TTC7A: variants seen among roughly 807,000 people sequenced by gnomAD.
The protein encoded by TTC7A is tetratricopeptide repeat domain 7A.
In TTC7A, 110 loss-of-function variants were observed where a neutral mutation model predicts 103.7. The observed-to-expected ratio is 1.06, with a 90% CI of 0.91 to 1.24. The LOEUF is 1.24. TTC7A is among the 50% of genes most tolerant of loss of function. The pLI is 0.00. For missense variants in TTC7A, 1,340 were observed against 1,116.3 expected, an observed-to-expected ratio of 1.20 and a Z score of -2.86; for synonymous variants, 521 against 467.9, an observed-to-expected ratio of 1.11 and a Z score of -1.47.
intron 18 of TTC7A, among the ~76,000 whole-genome samples, chr2:47,056,910 T>TC (rs10712991): frequency 4.0e-5 from 6 of 151,636 alleles, no homozygotes; most frequent in Admixed American, 2.0e-4. Flanking sequence ...CTCTGACCCC[T>TC]CCCCCCCATC....
At chr2:46,972,323 T>C (rs922758755) in intron 3 of TTC7A, among the ~76,000 whole-genome samples, 3 of 152,256 alleles carry the variant, frequency 2.0e-5, no homozygotes, top group African/African-American at 7.2e-5. Flanking sequence ...TTGAGCTTTT[T>C]GTTTTTGGCC....
intron 16 of TTC7A, chr2:47,046,686 T>A (rs1682358333): frequency 1.6e-5 from 8 of 494,764 alleles, no homozygotes. Flanking sequence ...AAATCATTCT[T>A]GAGCACTGGA....
intron 3 of TTC7A, among the ~76,000 whole-genome samples, chr2:46,971,380 C>A (rs1358044395): frequency 6.6e-6 from 1 of 152,132 alleles, no homozygotes; most frequent in Non-Finnish European, 1.5e-5. Context: ...GCAGGAGGAA[C>A]AACTTGAGCA....
intron 3 of TTC7A, among the ~76,000 whole-genome samples, chr2:46,970,791 C>T (rs1327829019): frequency 6.6e-6 from 1 of 152,220 alleles, no homozygotes; most frequent in Non-Finnish European, 1.5e-5. Context: ...CCCTTTAGTC[C>T]TCTGGAATAA....
At chr2:46,999,825 G>C in intron 8 of TTC7A, 1 of 985,432 alleles carries the variant, frequency 1.0e-6, no homozygotes, top group Non-Finnish European at 1.2e-6. Flanking sequence ...TCATTCAGCT[G>C]GCGAACAAGT....
intron 19 of TTC7A, 116 bp downstream of exon 19, chr2:47,061,087 G>A: frequency 8.1e-6 from 9 of 1,107,296 alleles, no homozygotes; most frequent in Non-Finnish European, 1.1e-5. Context: ...TGCTACTGCT[G>A]TTCCCTGGTG....
chr2:46,953,833 T>C (rs1420865822), intron 2 of TTC7A, among the ~76,000 whole-genome samples: 1 of 151,506 alleles, frequency 6.6e-6, no homozygotes, highest in South Asian at 2.1e-4. Flanking sequence ...TTTTTTTTTT[T>C]CAATTTTTTG....
chr2:47,053,092 C>T (rs1396208965), intron 18 of TTC7A, among the ~76,000 whole-genome samples: 3 of 152,160 alleles, frequency 2.0e-5, no homozygotes, highest in Non-Finnish European at 4.4e-5. Context: ...GGATAGGATT[C>T]ACAGGAAGGC....
At chr2:46,957,153 T>C in intron 3 of TTC7A, 146 bp downstream of exon 3, 1 of 1,013,816 alleles carries the variant, frequency 9.9e-7, no homozygotes, top group Non-Finnish European at 1.4e-6. Flanking sequence ...TGGATGCCGG[T>C]GGCAACCGGC....
chr2:47,046,325 A>G lies in TTC7A; in HGVS notation c.1813A>G (p.Thr605Ala). 6.2e-7 allele frequency: 1 copy of G among 1,613,948 alleles called. No individual in the cohort carries two copies. The highest frequency in any genetic ancestry group is 1.1e-5 in the South Asian group (1 of 91,068). The change falls in exon 16 of 20, where the codon ACC (threonine) becomes GCC (alanine). Residue 605 changes from threonine to alanine, a missense_variant. Thr to Ala is a moderately conservative substitution (Grantham distance 58). Coordinates refer to ENST00000319190, the MANE Select transcript of TTC7A (RefSeq NM_020458.4). Reference protein sequence around the residue: ...EHPENFNLMFTKVKLEQVLKG... With the variant: ...EHPENFNLMFAKVKLEQVLKG... Reference sequence around the variant, plus strand: ...TCTCCGTCCCCACAGCCTGATGTTCACCAAGGTGAAGCTGGAGCAGGTGCT... The same window carrying G: ...TCTCCGTCCCCACAGCCTGATGTTCGCCAAGGTGAAGCTGGAGCAGGTGCT...
At chr2:46,934,757 A>G (rs1219553862) in intron 2 of TTC7A, among the ~76,000 whole-genome samples, 1 of 139,022 alleles carries the variant, frequency 7.2e-6, no homozygotes, top group Admixed American at 7.2e-5. Flanking sequence ...AACAATCCCA[A>G]TCCTGGAATA....
At position 46,975,065 on chromosome 2, in the gene TTC7A, TC is replaced by T; in HGVS notation, c.612del (p.Trp205GlyfsTer22). 1.2e-6 allele frequency: 2 copies of T among 1,613,970 alleles called. No individual in the cohort carries two copies. Among genetic ancestry groups the T allele is most frequent in the Non-Finnish European group, 1.7e-6 (2 of 1,179,884 alleles). ...EEVITCFERA[S>X]WIAQVFLQEL... Reference sequence around the variant, plus strand: ...AGTGATCACCTGTTTTGAGAGGGCCTCCTGGATCGCTCAGGTGTTCCTGCAG... The same window carrying T: ...AGTGATCACCTGTTTTGAGAGGGCCTCTGGATCGCTCAGGTGTTCCTGCAG... On this transcript the variant is annotated frameshift_variant, in exon 4 of 20. Transcript: ENST00000319190. LOFTEE classifies it high-confidence loss of function.
At chr2:47,034,736 A>T (rs1375964534) in intron 15 of TTC7A, among the ~76,000 whole-genome samples, 1 of 151,922 alleles carries the variant, frequency 6.6e-6, no homozygotes, top group Non-Finnish European at 1.5e-5. Flanking sequence ...GGGCAAGGCC[A>T]CCTCTTCCCA....
intron 5 of TTC7A, among the ~76,000 whole-genome samples, chr2:46,979,182 A>G (rs376101039): frequency 6.6e-6 from 1 of 152,138 alleles, no homozygotes; most frequent in Non-Finnish European, 1.5e-5. Context: ...GGGCATTTCA[A>G]GAGGGGAGGG....
chr2:47,071,724 C>T (rs1684740985), intron 19 of TTC7A, among the ~76,000 whole-genome samples: 1 of 152,174 alleles, frequency 6.6e-6, no homozygotes, highest in Non-Finnish European at 1.5e-5. Context: ...TACTGCAAAC[C>T]TCCGAAACTG....
At chr2:46,999,516 A>G (rs984601211) in intron 8 of TTC7A, 2 of 985,348 alleles carry the variant, frequency 2.0e-6, no homozygotes, top group Non-Finnish European at 2.4e-6. Flanking sequence ...CATGCTCAGC[A>G]ATGTAAAGAC....
chr2:47,060,772 A>T lies in TTC7A; in HGVS notation c.2156A>T (p.Glu719Val). ...TLEQIWLQAA[E>V]LFMEQQHLKE... ...CACTGCCCTTCTGCTTTTGCAGCTGAGCTGTTCATGGAGCAGCAGCACCTC... is the reference window on the plus strand; with the variant it reads ...CACTGCCCTTCTGCTTTTGCAGCTGTGCTGTTCATGGAGCAGCAGCACCTC... Residue 719 changes from glutamate to valine, a missense_variant, in exon 19 of 20, where the codon GAG becomes GTG. Coordinates refer to ENST00000319190, the MANE Select transcript of TTC7A (RefSeq NM_020458.4). The T allele has an allele frequency of 6.3e-7, 1 of 1,599,360 alleles. No homozygotes were observed. The highest frequency in any genetic ancestry group is 8.6e-7 in the Non-Finnish European group (1 of 1,168,742).
intron 8 of TTC7A, among the ~76,000 whole-genome samples, chr2:47,001,636 C>T (rs983932276): frequency 2.0e-5 from 3 of 152,068 alleles, no homozygotes; most frequent in Admixed American, 6.6e-5. Context: ...GCGGGCGGAT[C>T]ACTTGAGGTC....
intron 19 of TTC7A, among the ~76,000 whole-genome samples, chr2:47,072,248 C>T (rs1229040929): frequency 6.6e-6 from 1 of 152,156 alleles, no homozygotes; most frequent in Non-Finnish European, 1.5e-5. Flanking sequence ...CTGCAGCCAC[C>T]CTGTCCTCCC....
Sources: allele counts gnomAD v4.1 joint callset (sites outside exome capture counted in the v4.1 genomes callset), GRCh38; gene constraint gnomAD v4.1.1; transcripts MANE v1.5; gene names NCBI Gene and HGNC (gene_info 2026-07-23, HGNC 2026-07-21).